Variants in PHTF2 observed in about 807,000 individuals in gnomAD.
PHTF2 encodes putative homeodomain transcription factor 2.
Under a neutral mutation model 101.2 loss-of-function variants are expected in PHTF2, and 60 were observed. That is an observed-to-expected ratio of 0.59 (90% CI 0.48 to 0.73). The LOEUF is 0.73. PHTF2 is among the 30% of genes least tolerant of loss of function. The probability of loss-of-function intolerance (pLI) is 0.00; values close to 1 mark genes in which losing one functional copy is unlikely to be tolerated. For synonymous variants in PHTF2, 311 were observed against 307.3 expected (o/e 1.01, Z -0.13); for missense variants, 747 against 908.7 (o/e 0.82, Z 2.29).
chr7:77,817,590 A>G (rs562255106), intron 1 of PHTF2, among the ~76,000 whole-genome samples: 9 of 146,196 alleles, frequency 6.2e-5, no homozygotes, highest in African/African-American at 1.2e-4. Context: ...AACCACCCCA[A>G]TGATTCAGTT....
intron 3 of PHTF2, among the ~76,000 whole-genome samples, chr7:77,861,925 C>T (rs541327457): frequency 3.3e-5 from 5 of 152,082 alleles, no homozygotes; most frequent in Non-Finnish European, 5.9e-5. Flanking sequence ...GGTGTGGTAG[C>T]GCATGCCTGT....
At chr7:77,940,100 C>T in exon 14 of PHTF2, 1 of 1,613,620 alleles carries the variant, frequency 6.2e-7, no homozygotes, top group Non-Finnish European at 8.5e-7. Flanking sequence ...CTGGGTTTAA[C>T]TCCATTTGTT....
rs56005414 is a variant in PHTF2, at chr7:77,932,621, AGTGTGT to A, written c.1338+3325_1338+3330del. On this transcript the variant is annotated intron_variant, in intron 12 of 19. Coordinates refer to ENST00000416283, the Ensembl canonical transcript of PHTF2. ...GAGAGAAAGAGAGAGAGAGAGAGAG[AGTGTGT>A]GTGTGTGTGTGTGTGTGTGTGTGTG... Among the ~76,000 whole-genome samples the A allele has an allele frequency of 8.3e-3, 987 of 118,532 alleles. 2 individuals are homozygous for A. Among genetic ancestry groups the A allele is most frequent in the African/African-American group, 0.031 (878 of 28,538 alleles). The allele number at this position is 118,532 out of a possible 152,430, so 77.8% of individuals were successfully genotyped here.
intron 16 of PHTF2, among the ~76,000 whole-genome samples, chr7:77,949,336 A>C (rs1054012318): frequency 6.6e-6 from 1 of 152,128 alleles, no homozygotes. Context: ...TATAAAAACC[A>C]TTATGGAAAA....
At chr7:77,800,966 T>C (rs1424345434) in intron 1 of PHTF2, among the ~76,000 whole-genome samples, 1 of 152,202 alleles carries the variant, frequency 6.6e-6, no homozygotes, top group Non-Finnish European at 1.5e-5. Flanking sequence ...ACAATAAAAT[T>C]GGCTTCTTGG....
chr7:77,894,122 A>G, intron 5 of PHTF2, 129 bp downstream of exon 4: 1 of 785,420 alleles, frequency 1.3e-6, no homozygotes, highest in Non-Finnish European at 2.3e-6. Flanking sequence ...AAAGTTGGTC[A>G]TTTTAAAAAA....
chr7:77,835,147 G>T (rs942750079), intron 1 of PHTF2, among the ~76,000 whole-genome samples: 2 of 151,860 alleles, frequency 1.3e-5, no homozygotes, highest in Non-Finnish European at 2.9e-5. Flanking sequence ...GGTGGTGGGC[G>T]CCTGTAGTCC....
intron 1 of PHTF2, among the ~76,000 whole-genome samples, chr7:77,821,212 G>A (rs1379933809): frequency 6.6e-6 from 1 of 151,648 alleles, no homozygotes; most frequent in African/African-American, 2.4e-5. Context: ...TCTGTTATTA[G>A]TCTAATGGGA....
In PHTF2 at chr7:77,922,691, C is replaced by G; in HGVS notation, c.1032C>G (p.Tyr344Ter). ...GTGAGGAAGGTCCTGAAACAGGATACTCATTACGTCGTCATGTGGACAGGA... is the reference window on the plus strand; with the variant it reads ...GTGAGGAAGGTCCTGAAACAGGATAGTCATTACGTCGTCATGTGGACAGGA... Residue 344 changes from tyrosine to a stop codon, truncating the protein, a stop_gained, in exon 11 of 20, where the codon TAC becomes TAG. Transcript: ENST00000416283. LOFTEE classifies it high-confidence loss of function. 6.2e-7 allele frequency: 1 copy of G among 1,610,118 alleles called. No homozygotes were observed.
chr7:77,868,899 TA>T (rs917299545), intron 3 of PHTF2, among the ~76,000 whole-genome samples: 1 of 152,224 alleles, frequency 6.6e-6, no homozygotes, highest in African/African-American at 2.4e-5. Flanking sequence ...TGAGAAATTT[TA>T]AAATAAATAT....
intron 1 of PHTF2, among the ~76,000 whole-genome samples, chr7:77,805,403 A>T (rs1223727211): frequency 4.0e-5 from 6 of 151,826 alleles, no homozygotes; most frequent in African/African-American, 1.5e-4. Context: ...CCTCAATTTG[A>T]CTGGTTTCTA....
chr7:77,834,460 T>A (rs559389882), intron 1 of PHTF2, among the ~76,000 whole-genome samples: 1 of 152,078 alleles, frequency 6.6e-6, no homozygotes, highest in South Asian at 2.1e-4. Flanking sequence ...TGAAGATAAA[T>A]GAGTGAGGCA....
At chr7:77,910,068 T>C (rs916222795) in intron 8 of PHTF2, 177 bp from the exon 8 acceptor site, 8 of 519,700 alleles carry the variant, frequency 1.5e-5, no homozygotes, top group Admixed American at 1.4e-4. Flanking sequence ...TTTCTAGAAA[T>C]TGGTCTTGAA....
At chr7:77,915,331 G>A (rs860231) in intron 9 of PHTF2, among the ~76,000 whole-genome samples, 1 of 150,340 alleles carries the variant, frequency 6.7e-6, no homozygotes, top group African/African-American at 2.4e-5. Flanking sequence ...TGATTCTTCT[G>A]CCTCAGCCTC....
intron 5 of PHTF2, among the ~76,000 whole-genome samples, chr7:77,896,212 C>T (rs924143435): frequency 1.6e-4 from 24 of 152,022 alleles, no homozygotes; most frequent in African/African-American, 5.3e-4. Context: ...GCATAGCTTG[C>T]GTAGCAGTCA....
At position 77,838,270 on chromosome 7, in the gene PHTF2, C is replaced by T. The variant is rs1795620399; in HGVS notation, c.-35-1951C>T. On this transcript the variant is annotated intron_variant, in intron 1 of 19. Transcript: ENST00000416283. Reference sequence around the variant, plus strand: ...GAGATTTTAAGTCAGTAAGGGAAAGCTTCCTCAAAAAACCCTCGTGAGAGA... The same window carrying T: ...GAGATTTTAAGTCAGTAAGGGAAAGTTTCCTCAAAAAACCCTCGTGAGAGA... 2.6e-5 allele frequency among the ~76,000 whole-genome samples: 4 copies of T among 152,272 alleles called. 1 individual carries two copies. The South Asian group carries it at 8.3e-4, about 32-fold the overall frequency.
At chr7:77,917,030 T>A (rs1802993357) in intron 9 of PHTF2, among the ~76,000 whole-genome samples, 1 of 152,222 alleles carries the variant, frequency 6.6e-6, no homozygotes. Flanking sequence ...GATTCCCAAG[T>A]GGTTATTTTT....
chr7:77,900,478 G>T (rs1801290659), intron 5 of PHTF2, among the ~76,000 whole-genome samples: 1 of 152,038 alleles, frequency 6.6e-6, no homozygotes, highest in Middle Eastern at 3.2e-3. Context: ...TTTACTGTTG[G>T]TAATAAACCG....
chr7:77,907,584 T>A (rs1233491643), intron 7 of PHTF2, among the ~76,000 whole-genome samples: 1 of 152,226 alleles, frequency 6.6e-6, no homozygotes, highest in African/African-American at 2.4e-5. Context: ...ACTCATGTTG[T>A]CCTGGTGCCT....
Sources: gnomAD v4.1 joint callset for allele counts (sites outside exome capture counted in the v4.1 genomes callset) on GRCh38, gnomAD v4.1.1 for gene constraint, MANE v1.5 for transcripts, NCBI Gene and HGNC (gene_info 2026-07-23, HGNC 2026-07-21) for gene names.